The following PHLPP1 variants were observed in gnomAD, a reference collection of about 807,000 sequenced individuals.
The protein encoded by PHLPP1 is PH domain leucine-rich repeat-containing protein phosphatase 1.
Under a neutral mutation model 117.2 loss-of-function variants are expected in PHLPP1, and 42 were observed. The ratio of observed to expected loss-of-function variants is 0.36; its 90% CI spans 0.28 to 0.46. The LOEUF (loss-of-function observed/expected upper bound fraction) is 0.46. PHLPP1 is among the 20% of genes least tolerant of loss of function. The pLI, the probability that PHLPP1 is intolerant of heterozygous loss-of-function variation, is 1.00. For missense variants in PHLPP1, 2,084 were observed against 2,241.9 expected (o/e 0.93, Z 1.42); for synonymous variants, 1,042 against 970.7 (o/e 1.07, Z -1.37).
intron 3 of PHLPP1, among the ~76,000 whole-genome samples, chr18:62,858,543 G>A (rs1599086753): frequency 6.6e-6 from 1 of 152,144 alleles, no homozygotes; most frequent in Admixed American, 6.5e-5. Context: ...GATTACAGAT[G>A]TGAGCCACCA....
chr18:62,766,079 A>ATATATATATATATATATATAT, intron 1 of PHLPP1, among the ~76,000 whole-genome samples: 1 of 38,360 alleles, frequency 2.6e-5, no homozygotes, highest in African/African-American at 6.8e-5. Flanking sequence ...AAAAAAAAAT[A>ATATATATATATATATATATAT]TATATATATA....
At chr18:62,777,479 G>A (rs1599042448) in intron 1 of PHLPP1, among the ~76,000 whole-genome samples, 2 of 149,970 alleles carry the variant, frequency 1.3e-5, no homozygotes, top group South Asian at 2.1e-4. Flanking sequence ...CTATTCTGTG[G>A]TTTCTTATAT....
At chr18:62,912,469 A>G (rs1447847017) in intron 8 of PHLPP1, among the ~76,000 whole-genome samples, 2 of 151,794 alleles carry the variant, frequency 1.3e-5, no homozygotes, top group Non-Finnish European at 2.9e-5. Flanking sequence ...TAAATCAGAC[A>G]TTACCTAATT....
At chr18:62,815,513 C>G (rs543772205) in intron 1 of PHLPP1, among the ~76,000 whole-genome samples, 126 of 152,236 alleles carry the variant, frequency 8.3e-4, no homozygotes, top group African/African-American at 3.0e-3. Flanking sequence ...GGCCTTAGTT[C>G]CTTGCTGGCT....
intron 1 of PHLPP1, among the ~76,000 whole-genome samples, chr18:62,804,750 C>T (rs1165255436): frequency 2.7e-5 from 4 of 150,028 alleles, no homozygotes; most frequent in African/African-American, 9.8e-5. Context: ...GTGGCCCAGG[C>T]TGGTATAATA....
chr18:62,815,984 A>AACC (rs1599061967), intron 1 of PHLPP1, among the ~76,000 whole-genome samples: 2 of 152,310 alleles, frequency 1.3e-5, no homozygotes, highest in East Asian at 3.9e-4. Flanking sequence ...TGGCAGTTAC[A>AACC]TATCAATAGT....
chr18:62,850,260 C>G (rs1038625747), intron 3 of PHLPP1, among the ~76,000 whole-genome samples: 1 of 151,260 alleles, frequency 6.6e-6, no homozygotes, highest in Non-Finnish European at 1.5e-5. Context: ...TGGTGGCAGG[C>G]ACCTGTAATC....
At position 62,978,835 on chromosome 18, in the gene PHLPP1, C is replaced by T. The variant is rs763385181; in HGVS notation, c.4558C>T (p.Pro1520Ser). 3 of 1,609,198 alleles carry T rather than the reference C, an allele frequency of 1.9e-6. No homozygotes were observed. Among genetic ancestry groups the T allele is most frequent in the Admixed American group, 1.7e-5 (1 of 59,374 alleles). The change falls in exon 17 of 17, where the codon CCC (proline) becomes TCC (serine). Residue 1520 changes from proline (P) to serine (S), a missense_variant. By Grantham distance (74) the Pro-to-Ser change is moderately conservative (BLOSUM62 -1). Coordinates refer to ENST00000262719, the MANE Select transcript of PHLPP1 (RefSeq NM_194449.4). This position sits in a 1 kb window ranked among gnomAD's most constrained non-coding sequence, Gnocchi z 7.0. Reference sequence around the variant, plus strand: ...CAGTGAGCAGCGCTGCATGCTCCACCCCATCTGTCTGTCCAACTCCTTCCA... The same window carrying T: ...CAGTGAGCAGCGCTGCATGCTCCACTCCATCTGTCTGTCCAACTCCTTCCA... ...YPSEQRCMLHPICLSNSFQRQ... is the reference protein window; with the variant it reads ...YPSEQRCMLHSICLSNSFQRQ...
intron 1 of PHLPP1, among the ~76,000 whole-genome samples, chr18:62,739,716 G>GA (rs1451288432): frequency 1.3e-5 from 2 of 152,162 alleles, no homozygotes; most frequent in African/African-American, 4.8e-5. Flanking sequence ...CCCTAGGTGG[G>GA]AAGAGGGTCG....
chr18:62,729,166 G>T (rs759555749), intron 1 of PHLPP1, among the ~76,000 whole-genome samples: 1 of 152,150 alleles, frequency 6.6e-6, no homozygotes, highest in Non-Finnish European at 1.5e-5. Flanking sequence ...TTTGGCAAAC[G>T]GGCTTTCATG....
chr18:62,899,183 C>G (rs1310972242), intron 6 of PHLPP1, among the ~76,000 whole-genome samples: 1 of 152,224 alleles, frequency 6.6e-6, no homozygotes, highest in Non-Finnish European at 1.5e-5. Context: ...ATACATCAGT[C>G]TGTCATGAAT....
At chr18:62,938,994 C>CTTTCTTTTTTT (rs368316862) in intron 10 of PHLPP1, among the ~76,000 whole-genome samples, 10 of 128,686 alleles carry the variant, frequency 7.8e-5, no homozygotes, top group African/African-American at 1.5e-4. Context: ...TTCTTTCTTT[C>CTTTCTTTTTTT]TTTTTTTTTT....
chr18:62,803,837 A>T (rs917003573), intron 1 of PHLPP1, among the ~76,000 whole-genome samples: 1 of 152,256 alleles, frequency 6.6e-6, no homozygotes, highest in South Asian at 2.1e-4. Context: ...ATTGCTTCAC[A>T]TCCTTGTCAA....
chr18:62,756,553 T>C (rs1212490354), intron 1 of PHLPP1, among the ~76,000 whole-genome samples: 2 of 152,236 alleles, frequency 1.3e-5, no homozygotes. Flanking sequence ...GTTTTTTCTC[T>C]CTGAGCTCTG....
intron 8 of PHLPP1, 110 bp from the exon 9 acceptor site, chr18:62,914,803 G>C (rs1909218728): frequency 4.2e-6 from 3 of 709,572 alleles, no homozygotes; most frequent in Non-Finnish European, 7.3e-6. Context: ...TTATGCCCTT[G>C]GTACTTTGGT....
intron 16 of PHLPP1, among the ~76,000 whole-genome samples, chr18:62,976,635 TAGAC>T (rs1226946424): frequency 1.3e-5 from 2 of 152,244 alleles, no homozygotes; most frequent in Non-Finnish European, 2.9e-5. Flanking sequence ...GCTCCAAGAA[TAGAC>T]AGAGAACAAA....
Position 62,975,522 on chromosome 18 carries a change from T to A in PHLPP1, c.3881T>A (p.Val1294Asp), listed in dbSNP as rs1911163619. 1 of 1,613,794 alleles carries A rather than the reference T, an allele frequency of 6.2e-7. No individual in the cohort carries two copies. Among genetic ancestry groups the A allele is most frequent in the Non-Finnish European group, 8.5e-7 (1 of 1,179,816 alleles). Residue 1294 changes from valine to aspartate, a missense_variant, in exon 16 of 17, where the codon GTT (valine) becomes GAT (aspartate). Coordinates refer to ENST00000262719, the MANE Select transcript of PHLPP1 (RefSeq NM_194449.4). ...GCTAATGTGGGCAAGTGCCAAACAGTTCTCTGTCGAAATGGAAAGCCGCTG... is the reference window on the plus strand; with the variant it reads ...GCTAATGTGGGCAAGTGCCAAACAGATCTCTGTCGAAATGGAAAGCCGCTG... ...TSANVGKCQT[V>D]LCRNGKPLPL...
In PHLPP1 at chr18:62,716,132, A is replaced by T; in HGVS notation, c.449A>T (p.His150Leu). 10 of 1,514,514 alleles carry T rather than the reference A, an allele frequency of 6.6e-6. No individual in the cohort carries two copies. The highest frequency in any genetic ancestry group is 8.8e-6 in the Non-Finnish European group (10 of 1,138,254). 93.8% of individuals were successfully genotyped at this position (1,514,514 alleles called of 1,614,324 possible). A position where few individuals can be genotyped will look rare whatever the true frequency, so the allele number is the denominator to read the frequency against. The change falls in exon 1 of 17, where the codon CAC (histidine) becomes CTC (leucine). Residue 150 changes from histidine to leucine, a missense_variant. His to Leu is a moderately conservative substitution (Grantham distance 99, BLOSUM62 -3). This residue lies in a region of PHLPP1 where 719 missense variants were observed against 636.0 expected (regional missense o/e 1.13). Transcript: ENST00000262719. This position sits in a 1 kb window ranked among gnomAD's most constrained non-coding sequence, Gnocchi z 5.7. ...SSSSSAAAASHSPGAAGLPAS... is the reference protein window; with the variant it reads ...SSSSSAAAASLSPGAAGLPAS... ...TCGTCCTCGGCCGCTGCTGCCTCGC[A>T]CTCCCCCGGCGCTGCCGGCCTCCCC...
At chr18:62,807,107 A>C (rs1913972863) in intron 1 of PHLPP1, among the ~76,000 whole-genome samples, 1 of 152,004 alleles carries the variant, frequency 6.6e-6, no homozygotes. Context: ...TTATTATTTC[A>C]AGTCTTTTGG....
Sources: gnomAD v4.1 joint callset for allele counts (sites outside exome capture counted in the v4.1 genomes callset) on GRCh38, gnomAD v4.1.1 for gene constraint, gnomAD v4.1.1 regional missense constraint, Gnocchi (gnomAD v3.1) non-coding constraint, MANE v1.5 for transcripts, NCBI Gene and HGNC (gene_info 2026-07-23, HGNC 2026-07-21) for gene names.